Variants in GRHL2 observed in about 807,000 individuals in gnomAD.
The protein encoded by GRHL2 is grainyhead like transcription factor 2.
A neutral mutation model predicts 83.8 loss-of-function variants in GRHL2; 21 were observed. That is an observed-to-expected ratio of 0.25 (90% CI 0.18 to 0.36). GRHL2 has a LOEUF of 0.36. Ranked by LOEUF, GRHL2 falls within the 10% of genes least tolerant of loss-of-function variation. The pLI, the probability that GRHL2 is intolerant of heterozygous loss-of-function variation, is 1.00. For missense variants in GRHL2, 623 were observed against 781.8 expected (o/e 0.80, Z 2.42); for synonymous variants, 280 against 278.9 (o/e 1.00, Z -0.04).
intron 1 of GRHL2, among the ~76,000 whole-genome samples, chr8:101,510,207 G>A (rs908585166): frequency 6.6e-6 from 1 of 152,084 alleles, no homozygotes; most frequent in African/African-American, 2.4e-5. Context: ...ATGTTGCCCA[G>A]GCTGGTCTCG....
intron 7 of GRHL2, among the ~76,000 whole-genome samples, chr8:101,586,957 C>T (rs1003865613): frequency 6.6e-6 from 1 of 152,106 alleles, no homozygotes; most frequent in Non-Finnish European, 1.5e-5. Context: ...TTTGATATAA[C>T]TTAAATACCT....
At chr8:101,644,816 G>A (rs1813476057) in intron 13 of GRHL2, among the ~76,000 whole-genome samples, 1 of 151,774 alleles carries the variant, frequency 6.6e-6, no homozygotes, top group Non-Finnish European at 1.5e-5. Context: ...CAACACTGAG[G>A]CTTCTATAGA....
Position 101,543,256 on chromosome 8 carries a change from G to A in GRHL2, c.36G>A (p.Val12=). 1 of 1,613,966 alleles carries A rather than the reference G, an allele frequency of 6.2e-7. No homozygotes were observed. Among genetic ancestry groups the A allele is most frequent in the Non-Finnish European group, 8.5e-7 (1 of 1,179,856 alleles). ...SQESDNNKRL[V]ALVPMPSDPP... The stretch of plus-strand genomic sequence containing the variant: ...GTTTTTACAGTAATAAAAGACTAGT[G>A]GCCTTAGTGCCCATGCCCAGTGACC... Residue 12 remains valine (V), a synonymous_variant, in exon 2 of 16, where the codon GTG becomes GTA. Coordinates refer to ENST00000646743, the MANE Select transcript of GRHL2 (RefSeq NM_024915.4).
At chr8:101,677,227 A>AATAATAATAATAAT in the GRHL2 span, among the ~76,000 whole-genome samples, 877 of 128,160 alleles carry the variant, frequency 6.8e-3, 11 homozygotes, top group African/African-American at 0.023. Flanking sequence ...ATAATAATAA[A>AATAATAATAATAAT]AATAAAGAAA....
chr8:101,529,533 C>A, intron 1 of GRHL2: 1 of 226,414 alleles, frequency 4.4e-6, no homozygotes, highest in Non-Finnish European at 8.9e-6. Context: ...GTTCAGCAAT[C>A]TTCCACTTAT....
At position 101,666,964 on chromosome 8, in the gene GRHL2, T is replaced by A; in HGVS notation, c.*261T>A. 1 of 560,478 alleles carries A rather than the reference T, an allele frequency of 1.8e-6. No individual in the cohort carries two copies. Among genetic ancestry groups the A allele is most frequent in the South Asian group, 2.0e-5 (1 of 49,876 alleles). 34.7% of individuals were successfully genotyped at this position (560,478 alleles called of 1,614,324 possible). A position where few individuals can be genotyped will look rare whatever the true frequency, so the allele number is the denominator to read the frequency against. ...TTGGATTCCTATTTATTGCCCACCT[T>A]TTCCTGGAGCCCAGGTCCAGGCCCG... On this transcript the variant is annotated 3_prime_UTR_variant, in exon 16 of 16. Coordinates refer to ENST00000646743, the MANE Select transcript of GRHL2 (RefSeq NM_024915.4).
chr8:101,532,611 G>A (rs1431313675), intron 1 of GRHL2, among the ~76,000 whole-genome samples: 4 of 152,068 alleles, frequency 2.6e-5, no homozygotes, highest in Admixed American at 1.3e-4. Context: ...TTAGCTGGGC[G>A]TGGTGGCATG....
chr8:101,602,516 A>G (rs781360183), intron 8 of GRHL2, among the ~76,000 whole-genome samples: 1 of 152,238 alleles, frequency 6.6e-6, no homozygotes, highest in African/African-American at 2.4e-5. Context: ...GAATGCATAT[A>G]TGTATGTGTG....
intron 3 of GRHL2, 130 bp downstream of exon 3, chr8:101,552,912 C>T (rs1811414205): frequency 8.0e-6 from 7 of 872,582 alleles, no homozygotes; most frequent in Non-Finnish European, 1.3e-5. Context: ...TCTTTTGAGT[C>T]TGGACCAATG....
chr8:101,673,631 A>T (rs575173642), downstream of GRHL2, among the ~76,000 whole-genome samples: 24 of 152,132 alleles, frequency 1.6e-4, no homozygotes, highest in South Asian at 5.0e-3. Flanking sequence ...CCCCACTGTC[A>T]ACATTAGACA....
In GRHL2 at chr8:101,564,831, C is replaced by A. The variant is rs909574559; in HGVS notation, c.679-5508C>A. 3.6e-3 allele frequency among the ~76,000 whole-genome samples: 325 copies of A among 89,312 alleles called. 5 individuals are homozygous for A. Among genetic ancestry groups the A allele is most frequent in the East Asian group, 0.021 (65 of 3,164 alleles). The allele number at this position is 89,312 out of a possible 152,430, so 58.6% of individuals were successfully genotyped here. ...TGTCTCCAAAAAAAAAAAAAAAAAACCACTTTAATGGATGAATTTTAGCTA... is the reference window on the plus strand; with the variant it reads ...TGTCTCCAAAAAAAAAAAAAAAAAAACACTTTAATGGATGAATTTTAGCTA... On this transcript the variant is annotated intron_variant, in intron 4 of 15. Coordinates refer to ENST00000646743, the MANE Select transcript of GRHL2 (RefSeq NM_024915.4).
chr8:101,520,663 A>G (rs900313753), intron 1 of GRHL2, among the ~76,000 whole-genome samples: 1 of 152,170 alleles, frequency 6.6e-6, no homozygotes, highest in African/African-American at 2.4e-5. Context: ...TCACATGAGT[A>G]CCCTGTGCAC....
At chr8:101,582,114 T>C (rs1469637598) in intron 7 of GRHL2, among the ~76,000 whole-genome samples, 3 of 151,766 alleles carry the variant, frequency 2.0e-5, no homozygotes, top group African/African-American at 7.3e-5. Context: ...GGCGGGCACC[T>C]ACAATTCCAG....
the GRHL2 span, among the ~76,000 whole-genome samples, chr8:101,677,553 T>C: frequency 3.3e-5 from 5 of 151,984 alleles, no homozygotes; most frequent in African/African-American, 1.2e-4. Context: ...CTTGAGACAG[T>C]GTCTTTACCT....
At chr8:101,590,000 A>G (rs1812245793) in intron 7 of GRHL2, among the ~76,000 whole-genome samples, 1 of 152,154 alleles carries the variant, frequency 6.6e-6, no homozygotes, top group Non-Finnish European at 1.5e-5. Context: ...CCTGTTTCCT[A>G]TTCTATGAGG....
chr8:101,653,057 G>A (rs1419192004), intron 14 of GRHL2, among the ~76,000 whole-genome samples: 3 of 152,166 alleles, frequency 2.0e-5, no homozygotes, highest in South Asian at 2.1e-4. Context: ...ATCTGCATCC[G>A]AAACTCCGAA....
chr8:101,495,900 G>A (rs1169004007), intron 1 of GRHL2, among the ~76,000 whole-genome samples: 8 of 152,294 alleles, frequency 5.3e-5, no homozygotes, highest in Non-Finnish European at 5.9e-5. Flanking sequence ...TGTAATCCCA[G>A]CACTTTGGCA....
At chr8:101,664,385 A>C in intron 14 of GRHL2, 69 bp from the exon 15 acceptor site, 1 of 1,135,306 alleles carries the variant, frequency 8.8e-7, no homozygotes, top group South Asian at 1.2e-5. Flanking sequence ...GTGAAACTGG[A>C]ACTTTCCCCC....
At chr8:101,652,622 G>A (rs1383738703) in intron 14 of GRHL2, among the ~76,000 whole-genome samples, 2 of 139,964 alleles carry the variant, frequency 1.4e-5, no homozygotes, top group Admixed American at 7.3e-5. Flanking sequence ...TGGTGTGTGT[G>A]TGTGTGTACT....
Sources: allele counts gnomAD v4.1 joint callset (sites outside exome capture counted in the v4.1 genomes callset), GRCh38; gene constraint gnomAD v4.1.1; transcripts MANE v1.5; gene names NCBI Gene and HGNC (gene_info 2026-07-23, HGNC 2026-07-21).